SLC25A34: variants seen among roughly 807,000 people sequenced by gnomAD.
SLC25A34 encodes the protein solute carrier family 25 member 34.
Under a neutral mutation model 28.1 loss-of-function variants are expected in SLC25A34, and 26 were observed. The ratio of observed to expected loss-of-function variants is 0.93; its 90% CI spans 0.68 to 1.28. The LOEUF is 1.28. SLC25A34 is among the 50% of genes most tolerant of loss of function. SLC25A34 has a pLI of 0.00. For synonymous variants in SLC25A34, 182 were observed against 182.2 expected (o/e 1.00, Z 0.01); for missense variants, 384 against 409.8 (o/e 0.94, Z 0.54).
In SLC25A34 at chr1:15,739,975, G is replaced by A. The variant is rs1001742251; in HGVS notation, c.*569G>A. ...ACTGTACCATGGCAAAGGCTGAGGT[G>A]CACCAGGAGGCTGTGGCGTCGTCAC... On this transcript the variant is annotated 3_prime_UTR_variant, in exon 5 of 5. Coordinates refer to ENST00000294454, the MANE Select transcript of SLC25A34 (RefSeq NM_207348.3). 1.3e-5 allele frequency: 2 copies of A among 152,278 alleles called. No homozygotes were observed. The highest frequency in any genetic ancestry group is 1.9e-4 in the East Asian group (1 of 5,194). 9.4% of individuals were successfully genotyped at this position (152,278 alleles called of 1,614,324 possible).
Position 15,736,320 on chromosome 1 carries a change from GCCACAGGCCTGT to G in SLC25A34, c.-164_-153del. 1.7e-6 allele frequency: 1 copy of G among 597,988 alleles called. No individual in the cohort carries two copies. The highest frequency in any genetic ancestry group is 2.5e-6 in the Non-Finnish European group (1 of 404,048). The allele number at this position is 597,988 out of a possible 1,614,324, so 37.0% of individuals were successfully genotyped here. On this transcript the variant is annotated 5_prime_UTR_variant, in exon 1 of 5. Transcript: ENST00000294454. The stretch of plus-strand genomic sequence containing the variant: ...TGAGATAGACCAGGGACACCAGGCA[GCCACAGGCCTGT>G]CAGACCAGGACCCTTACCCTCTAGA...
At chr1:15,738,415 C>T (rs1225019140) in intron 3 of SLC25A34, among the ~76,000 whole-genome samples, 170 bp downstream of exon 3, 1 of 152,218 alleles carries the variant, frequency 6.6e-6, no homozygotes. Flanking sequence ...GTGGGGTCAG[C>T]AGTGAACCCC....
At position 15,737,814 on chromosome 1, in the gene SLC25A34, G is replaced by A. The variant is rs975778973; in HGVS notation, c.379-115G>A. ...ACTTGACCCCTAAGCTTCAGGCTCG[G>A]GACCATGGAGCTGTGAGTTTCAGGG... On this transcript the variant is annotated intron_variant, in intron 1 of 4. Transcript: ENST00000294454. The A allele has an allele frequency of 4.3e-6, 5 of 1,166,828 alleles. No homozygotes were observed. The African/African-American group carries it at 6.1e-5, about 14-fold the overall frequency. The allele number at this position is 1,166,828 out of a possible 1,614,324, so 72.3% of individuals were successfully genotyped here.
At chr1:15,739,161 G>A (rs2148390682) in intron 4 of SLC25A34, 63 bp from the exon 5 acceptor site, 1 of 1,571,748 alleles carries the variant, frequency 6.4e-7, no homozygotes, top group African/African-American at 1.4e-5. Context: ...CGTGTGCCAA[G>A]ATGTGGTGCC....
intron 4 of SLC25A34, 168 bp downstream of exon 4, chr1:15,738,896 C>T (rs2068253741): frequency 1.1e-6 from 1 of 900,374 alleles, no homozygotes; most frequent in Non-Finnish European, 1.6e-6. Context: ...TTGCTGAGCC[C>T]CCGGGTCCCA....
chr1:15,739,279 GC>G lies in SLC25A34; in HGVS notation c.793del (p.Leu265TrpfsTer133). On this transcript the variant is annotated frameshift_variant, in exon 5 of 5. Coordinates refer to ENST00000294454, the MANE Select transcript of SLC25A34 (RefSeq NM_207348.3). LOFTEE classifies it high-confidence loss of function. ...ATGGTGAAGATCTGGCGGCAGGAGG[GC>G]CCCCTGGCACTCTACAAGGGCCTGG... ...DCMVKIWRQE[G>X]PLALYKGLGP... The G allele has an allele frequency of 6.2e-7, 1 of 1,611,890 alleles. No individual in the cohort carries two copies. Among genetic ancestry groups the G allele is most frequent in the Non-Finnish European group, 8.5e-7 (1 of 1,179,310 alleles).
At position 15,739,504 on chromosome 1, in the gene SLC25A34, C is replaced by T; in HGVS notation, c.*98C>T. ...TGGCTGTCCCGGGGCGGGCCATGGG[C>T]CCAGGCCCTGCCAGAGGTCCCGGGA... is the stretch of plus-strand genomic sequence containing the variant. On this transcript the variant is annotated 3_prime_UTR_variant, in exon 5 of 5. Coordinates refer to ENST00000294454, the MANE Select transcript of SLC25A34 (RefSeq NM_207348.3). 7.2e-7 allele frequency: 1 copy of T among 1,390,004 alleles called. No homozygotes were observed. Among genetic ancestry groups the T allele is most frequent in the Non-Finnish European group, 9.5e-7 (1 of 1,052,838 alleles). The allele number at this position is 1,390,004 out of a possible 1,614,324, so 86.1% of individuals were successfully genotyped here.
At position 15,738,174 on chromosome 1, in the gene SLC25A34, C is replaced by G. The variant is rs768286992; in HGVS notation, c.526C>G (p.Arg176Gly). 1 of 1,607,554 alleles carries G rather than the reference C, an allele frequency of 6.2e-7. No individual in the cohort carries two copies. The highest frequency in any genetic ancestry group is 8.5e-7 in the Non-Finnish European group (1 of 1,176,796). The change falls in exon 3 of 5, where the codon CGA (arginine) becomes GGA (glycine). Residue 176 changes from arginine (R) to glycine (G), a missense_variant. Arg to Gly is a moderately radical substitution (Grantham distance 125). Coordinates refer to ENST00000294454, the MANE Select transcript of SLC25A34 (RefSeq NM_207348.3). ...LWQGVGGAVP[R>G]VMVGSAAQLA... Reference sequence around the variant, plus strand: ...GCAGGGCGTTGGTGGGGCTGTGCCCCGAGTCATGGTGGGCTCAGCTGCCCA... The same window carrying G: ...GCAGGGCGTTGGTGGGGCTGTGCCCGGAGTCATGGTGGGCTCAGCTGCCCA...
Position 15,740,065 on chromosome 1 carries a change from TG to T in SLC25A34, c.*660del, listed in dbSNP as rs2148391518. ...GACTGGGCGACTTAGACAATAGAAA[TG>T]TATTTTCTCACAGTTCTGGAGGCTG... On this transcript the variant is annotated 3_prime_UTR_variant, in exon 5 of 5. Coordinates refer to ENST00000294454, the MANE Select transcript of SLC25A34 (RefSeq NM_207348.3). 6.6e-6 allele frequency: 1 copy of T among 152,278 alleles called. No individual in the cohort carries two copies. Among genetic ancestry groups the T allele is most frequent in the African/African-American group, 2.4e-5 (1 of 41,548 alleles). 9.4% of individuals were successfully genotyped at this position (152,278 alleles called of 1,614,324 possible).
At chr1:15,739,027 G>A (rs1351483176) in intron 4 of SLC25A34, 197 bp from the exon 5 acceptor site, 3 of 688,496 alleles carry the variant, frequency 4.4e-6, no homozygotes, top group Non-Finnish European at 7.0e-6. Flanking sequence ...CCCCCAGCTG[G>A]TAAGGGGAGG....
At position 15,736,745 on chromosome 1, in the gene SLC25A34, G is replaced by A. The variant is rs368572626; in HGVS notation, c.260G>A (p.Arg87His). 32 of 1,608,622 alleles carry A rather than the reference G, an allele frequency of 2.0e-5. 1 individual carries two copies. The Middle Eastern group carries it at 8.3e-4, about 41-fold the overall frequency. Residue 87 changes from arginine to histidine, a missense_variant, in exon 1 of 5, where the codon CGT (arginine) becomes CAT (histidine). Arg to His is a conservative substitution (Grantham distance 29). Coordinates refer to ENST00000294454, the MANE Select transcript of SLC25A34 (RefSeq NM_207348.3). ...TACCAAGGCCTCATGAATGGCGTTC[G>A]TTTCTACTGCTACAGCCTGGCGTGC... ...LLYQGLMNGV[R>H]FYCYSLACQA...
chr1:15,738,592 A>G lies in SLC25A34; in HGVS notation c.598-2A>G. On this transcript the variant is annotated splice_acceptor_variant, in intron 3 of 4. Coordinates refer to ENST00000294454, the MANE Select transcript of SLC25A34 (RefSeq NM_207348.3). LOFTEE classifies it high-confidence loss of function. The stretch of plus-strand genomic sequence containing the variant: ...GGATCAGCACCTGTGCCATCCCCAC[A>G]GTGGCTCCCTGAGGACAGCTGGCTG... 6 of 1,604,900 alleles carry G rather than the reference A, an allele frequency of 3.7e-6. No homozygotes were observed. The highest frequency in any genetic ancestry group is 1.1e-5 in the South Asian group (1 of 90,122).
At chr1:15,737,728 C>A in intron 1 of SLC25A34, 1 of 597,504 alleles carries the variant, frequency 1.7e-6, no homozygotes, top group Non-Finnish European at 3.0e-6. Context: ...GTAACTTGCT[C>A]CAAGTCACAC....
In SLC25A34 at chr1:15,736,381, C is replaced by G; in HGVS notation, c.-105C>G. ...GACATGGCCTCGGTCCCCTGCAAAC[C>G]CCAGCCCCGTAGCCCTGCGAGGTTA... On this transcript the variant is annotated 5_prime_UTR_variant, in exon 1 of 5. Coordinates refer to ENST00000294454, the MANE Select transcript of SLC25A34 (RefSeq NM_207348.3). 7.8e-7 allele frequency: 1 copy of G among 1,277,898 alleles called. No homozygotes were observed. 79.2% of individuals were successfully genotyped at this position (1,277,898 alleles called of 1,614,324 possible).
rs2068260660 is a variant in SLC25A34, at chr1:15,739,484, G to A, written c.*78G>A. The A allele has an allele frequency of 1.4e-6, 2 of 1,459,342 alleles. No homozygotes were observed. Among genetic ancestry groups the A allele is most frequent in the Non-Finnish European group, 1.8e-6 (2 of 1,106,652 alleles). 90.4% of individuals were successfully genotyped at this position (1,459,342 alleles called of 1,614,324 possible). On this transcript the variant is annotated 3_prime_UTR_variant, in exon 5 of 5. Transcript: ENST00000294454. ...AGAGCCTGCTCCAGGACAACTGGCT[G>A]TCCCGGGGCGGGCCATGGGCCCAGG... is the stretch of plus-strand genomic sequence containing the variant.
rs369682738 is a variant in SLC25A34, at chr1:15,738,740, C to T, written c.732+12C>T. The T allele has an allele frequency of 6.5e-5, 101 of 1,556,808 alleles. No homozygotes were observed. Among genetic ancestry groups the T allele is most frequent in the Non-Finnish European group, 8.0e-5 (92 of 1,152,452 alleles). On this transcript the variant is annotated intron_variant, in intron 4 of 4. Transcript: ENST00000294454. ...ACACAGCTGGCAGGGTGAGCAGGGG[C>T]GGGTCTAGGGGAGACCGTGGGGAGC...
intron 1 of SLC25A34, among the ~76,000 whole-genome samples, chr1:15,737,592 GA>G (rs1249667300): frequency 4.0e-4 from 60 of 149,358 alleles, no homozygotes; most frequent in African/African-American, 1.3e-3. Context: ...AGGAAAGAAA[GA>G]AAAAAAAAGC....
At chr1:15,737,306 C>T (rs1307947295) in intron 1 of SLC25A34, among the ~76,000 whole-genome samples, 3 of 152,136 alleles carry the variant, frequency 2.0e-5, no homozygotes, top group Non-Finnish European at 2.9e-5. Context: ...CAGTGGCTCA[C>T]GCCTGTAATC....
rs1409555305 is a variant in SLC25A34, at chr1:15,736,755, C to T, written c.270C>T (p.Cys90=). The T allele has an allele frequency of 6.2e-7, 1 of 1,608,240 alleles. No homozygotes were observed. Among genetic ancestry groups the T allele is most frequent in the Non-Finnish European group, 8.5e-7 (1 of 1,179,632 alleles). Residue 90 remains cysteine, a synonymous_variant, in exon 1 of 5, where the codon TGC becomes TGT. Transcript: ENST00000294454. ...QGLMNGVRFY[C]YSLACQAGLT... ...TCATGAATGGCGTTCGTTTCTACTG[C>T]TACAGCCTGGCGTGCCAGGCTGGCC...
Sources: gnomAD v4.1 joint callset for allele counts (sites outside exome capture counted in the v4.1 genomes callset) on GRCh38, gnomAD v4.1.1 for gene constraint, MANE v1.5 for transcripts, NCBI Gene and HGNC (gene_info 2026-07-23, HGNC 2026-07-21) for gene names.